The following TFAP2D variants were observed in gnomAD, a reference collection of about 807,000 sequenced individuals.
The protein encoded by TFAP2D is transcription factor AP-2 delta, also known as transcription factor AP-2-delta.
In TFAP2D, 9 loss-of-function variants were observed where a neutral mutation model predicts 43.6. That is an observed-to-expected ratio of 0.21 (90% CI 0.12 to 0.36). The LOEUF is 0.36. Among genes scored for constraint, TFAP2D ranks in the 10% least tolerant of loss-of-function variants. The probability of loss-of-function intolerance (pLI) is 1.00; values close to 1 mark genes in which losing one functional copy is unlikely to be tolerated. For synonymous variants in TFAP2D, 256 were observed against 224.9 expected (o/e 1.14, Z -1.24); for missense variants, 513 against 561.4 (o/e 0.91, Z 0.87).
At chr6:50,718,877 A>G (rs1032357446) in intron 2 of TFAP2D, among the ~76,000 whole-genome samples, 2 of 152,326 alleles carry the variant, frequency 1.3e-5, no homozygotes, top group South Asian at 2.1e-4. Flanking sequence ...TGTAAAATGC[A>G]TACCTTAAGA....
chr6:50,731,619 T>C (rs1230262328), intron 5 of TFAP2D, among the ~76,000 whole-genome samples: 2 of 152,112 alleles, frequency 1.3e-5, no homozygotes, highest in Non-Finnish European at 2.9e-5. Context: ...GTTTTAAAAA[T>C]TACAAGTTAT....
intron 7 of TFAP2D, among the ~76,000 whole-genome samples, chr6:50,770,813 T>C (rs1316458768): frequency 2.0e-5 from 3 of 152,190 alleles, no homozygotes; most frequent in African/African-American, 7.2e-5. Context: ...ACTACTAATG[T>C]CATAATAACA....
At chr6:50,760,549 T>C (rs771984558) in intron 7 of TFAP2D, among the ~76,000 whole-genome samples, 8 of 152,082 alleles carry the variant, frequency 5.3e-5, no homozygotes, top group Non-Finnish European at 1.2e-4. Flanking sequence ...TTGATGTCAA[T>C]GATTCTTCAC....
Position 50,729,197 on chromosome 6 carries a change from A to G in TFAP2D, c.768A>G (p.Ala256=). ...ASLLGGILRR[A]KSKNGGRCLR... ...GTTTTTGTTTGTTTTTGTACAGAGC[A>G]AAATCAAAGAATGGGGGCCGCTGCC... is the stretch of plus-strand genomic sequence containing the variant. The change falls in exon 5 of 8, where the codon GCA becomes GCG. Residue 256 remains alanine (A), a synonymous_variant. Coordinates refer to ENST00000008391, the MANE Select transcript of TFAP2D (RefSeq NM_172238.4). 2 of 1,613,904 alleles carry G rather than the reference A, an allele frequency of 1.2e-6. No individual in the cohort carries two copies. The highest frequency in any genetic ancestry group is 1.7e-5 in the Admixed American group (1 of 59,984).
chr6:50,720,909 A>G (rs1286940303), intron 3 of TFAP2D, among the ~76,000 whole-genome samples: 1 of 152,204 alleles, frequency 6.6e-6, no homozygotes, highest in East Asian at 1.9e-4. Flanking sequence ...ACCTTCTGAA[A>G]TGCTTGGAAA....
Position 50,747,932 on chromosome 6 carries a change from G to A in TFAP2D, c.1025+2684G>A, listed in dbSNP as rs973970099. ...ACATGTAATTTTATTTTATCTGTCT[G>A]CTCATAGCTGCACATTTGCAGACCA... On this transcript the variant is annotated intron_variant, in intron 6 of 7. Transcript: ENST00000008391. Among the ~76,000 whole-genome samples the A allele has an allele frequency of 2.6e-5, 4 of 151,942 alleles. No individual in the cohort carries two copies. The East Asian group carries it at 7.7e-4, about 29-fold the overall frequency.
chr6:50,732,890 C>T (rs2114040887), intron 5 of TFAP2D, among the ~76,000 whole-genome samples: 1 of 151,896 alleles, frequency 6.6e-6, no homozygotes, highest in African/African-American at 2.4e-5. Context: ...TCCTATATTC[C>T]TTTTAAATGG....
At position 50,714,006 on chromosome 6, in the gene TFAP2D, T is replaced by C; in HGVS notation, c.-50T>C. On this transcript the variant is annotated 5_prime_UTR_variant, in exon 1 of 8. Coordinates refer to ENST00000008391, the MANE Select transcript of TFAP2D (RefSeq NM_172238.4). ...GAAGTTTGGATTTTTTTTTCCCGAT[T>C]CTTTTTTTGGAGGGGGAAATTGCAT... 6.2e-7 allele frequency: 1 copy of C among 1,608,966 alleles called. No homozygotes were observed. The highest frequency in any genetic ancestry group is 8.5e-7 in the Non-Finnish European group (1 of 1,178,482).
intron 6 of TFAP2D, among the ~76,000 whole-genome samples, chr6:50,748,948 T>C (rs548006660): frequency 6.6e-6 from 1 of 151,956 alleles, no homozygotes; most frequent in African/African-American, 2.4e-5. Context: ...TGTTACATAA[T>C]TCATAATATG....
intron 6 of TFAP2D, among the ~76,000 whole-genome samples, chr6:50,748,983 T>G (rs1769162830): frequency 6.6e-6 from 1 of 151,802 alleles, no homozygotes; most frequent in South Asian, 2.1e-4. Context: ...GATGTAAGAT[T>G]GTTTCTTTTT....
chr6:50,765,270 A>G (rs1342691752), intron 7 of TFAP2D, among the ~76,000 whole-genome samples: 2 of 152,186 alleles, frequency 1.3e-5, no homozygotes, highest in Non-Finnish European at 2.9e-5. Flanking sequence ...CTTCTTTGTT[A>G]TGGCTAAATA....
intron 6 of TFAP2D, among the ~76,000 whole-genome samples, chr6:50,749,448 AC>A (rs1769169487): frequency 6.6e-6 from 1 of 151,854 alleles, no homozygotes; most frequent in Non-Finnish European, 1.5e-5. Context: ...AAACTAAAAG[AC>A]TGCTAAAAAC....
chr6:50,713,810 A>G lies in TFAP2D; in HGVS notation c.-246A>G. 1 of 583,310 alleles carries G rather than the reference A, an allele frequency of 1.7e-6. No individual in the cohort carries two copies. Among genetic ancestry groups the G allele is most frequent in the Non-Finnish European group, 3.0e-6 (1 of 334,824 alleles). 36.1% of individuals were successfully genotyped at this position (583,310 alleles called of 1,614,324 possible). A position where few individuals can be genotyped will look rare whatever the true frequency, so the allele number is the denominator to read the frequency against. The stretch of plus-strand genomic sequence containing the variant: ...GACATCAGCCAAAGAAATACTCAGC[A>G]AGTACAAAATCTGTTCCAGGGAGCT... On this transcript the variant is annotated 5_prime_UTR_variant, in exon 1 of 8. Transcript: ENST00000008391.
At chr6:50,761,936 A>T (rs550601337) in intron 7 of TFAP2D, among the ~76,000 whole-genome samples, 134 of 152,202 alleles carry the variant, frequency 8.8e-4, no homozygotes, top group Non-Finnish European at 1.4e-3. Context: ...GCACTTAACC[A>T]GGGATTATAA....
intron 5 of TFAP2D, among the ~76,000 whole-genome samples, chr6:50,739,749 C>T (rs1769011245): frequency 6.6e-6 from 1 of 152,192 alleles, no homozygotes; most frequent in Admixed American, 6.5e-5. Context: ...TCATAATTAA[C>T]ATACTGTTAA....
At chr6:50,758,988 A>C (rs1021556496) in intron 7 of TFAP2D, among the ~76,000 whole-genome samples, 3 of 152,056 alleles carry the variant, frequency 2.0e-5, no homozygotes, top group Non-Finnish European at 4.4e-5. Flanking sequence ...ACATTAAAGC[A>C]TCCATGGCAG....
chr6:50,716,170 C>T (rs1768624814), intron 2 of TFAP2D, among the ~76,000 whole-genome samples: 1 of 152,052 alleles, frequency 6.6e-6, no homozygotes, highest in Admixed American at 6.6e-5. Context: ...AAAAGTTTCA[C>T]CAAATACACT....
chr6:50,722,740 G>C (rs1344334339), intron 3 of TFAP2D, among the ~76,000 whole-genome samples: 2 of 151,792 alleles, frequency 1.3e-5, no homozygotes, highest in Admixed American at 1.3e-4. Flanking sequence ...AGAAGACCTA[G>C]CTTTTCCTTA....
At chr6:50,769,978 T>C (rs566667521) in intron 7 of TFAP2D, among the ~76,000 whole-genome samples, 1 of 152,334 alleles carries the variant, frequency 6.6e-6, no homozygotes, top group South Asian at 2.1e-4. Flanking sequence ...ATATTGTATA[T>C]TCTGCTATAG....
Sources: gnomAD v4.1 joint callset for allele counts (sites outside exome capture counted in the v4.1 genomes callset) on GRCh38, gnomAD v4.1.1 for gene constraint, MANE v1.5 for transcripts, NCBI Gene and HGNC (gene_info 2026-07-23, HGNC 2026-07-21) for gene names.